The following UBA5 variants were observed in gnomAD, a reference collection of about 807,000 sequenced individuals.
The protein encoded by UBA5 is ubiquitin like modifier activating enzyme 5.
Under a neutral mutation model 52.9 loss-of-function variants are expected in UBA5, and 28 were observed. The observed-to-expected ratio is 0.53, with a 90% confidence interval of 0.39 to 0.73. The LOEUF (loss-of-function observed/expected upper bound fraction) is 0.73. UBA5 is among the 30% of genes least tolerant of loss of function. UBA5 has a pLI of 0.00. For synonymous variants in UBA5, 135 were observed against 162.1 expected, an observed-to-expected ratio of 0.83 and a Z score of 1.27; for missense variants, 388 against 492.7, an observed-to-expected ratio of 0.79 and a Z score of 2.01.
intron 1 of UBA5, among the ~76,000 whole-genome samples, chr3:132,661,499 T>C (rs913120653): frequency 1.3e-5 from 2 of 152,210 alleles, no homozygotes; most frequent in African/African-American, 4.8e-5. Context: ...GTGCATTTAG[T>C]AGCAAGCAGT....
At chr3:132,656,500 T>TC (rs1479154892), upstream of UBA5, among the ~76,000 whole-genome samples, 2 of 151,900 alleles carry the variant, frequency 1.3e-5, no homozygotes, top group African/African-American at 4.8e-5. Flanking sequence ...GTCAGATTTT[T>TC]TTTTTTTTTG....
At chr3:132,667,977 G>T (rs1223667342) in intron 3 of UBA5, 1 of 152,000 alleles carries the variant, frequency 6.6e-6, no homozygotes, top group African/African-American at 2.4e-5. Context: ...GGTGTTATGG[G>T]TTAGGTTAAT....
upstream of UBA5, among the ~76,000 whole-genome samples, chr3:132,657,379 C>T (rs1226587996): frequency 1.3e-5 from 2 of 152,170 alleles, no homozygotes; most frequent in South Asian, 2.1e-4. Context: ...TCAAATTTCC[C>T]ACCTTGTGGT....
upstream of UBA5, among the ~76,000 whole-genome samples, chr3:132,657,514 T>C (rs1365133062): frequency 6.6e-6 from 1 of 152,192 alleles, no homozygotes; most frequent in Non-Finnish European, 1.5e-5. Context: ...ATAGATCAAC[T>C]GGAAGAAAAA....
intron 1 of UBA5, among the ~76,000 whole-genome samples, chr3:132,661,539 C>T (rs1938163971): frequency 6.6e-6 from 1 of 152,208 alleles, no homozygotes; most frequent in African/African-American, 2.4e-5. Flanking sequence ...AAGCACTTTA[C>T]ATGCATTGTC....
At chr3:132,667,260 T>G (rs1418311389) in intron 3 of UBA5, 1 of 152,226 alleles carries the variant, frequency 6.6e-6, no homozygotes, top group Non-Finnish European at 1.5e-5. Flanking sequence ...AGAAGTGCTC[T>G]TGCATCTCTA....
chr3:132,660,627 C>A lies in UBA5; in HGVS notation c.90C>A (p.Ser30Arg). 6.4e-7 allele frequency: 1 copy of A among 1,564,650 alleles called. No individual in the cohort carries two copies. The highest frequency in any genetic ancestry group is 8.7e-7 in the Non-Finnish European group (1 of 1,155,048). Residue 30 changes from serine (S) to arginine (R), a missense_variant, in exon 1 of 12, where the codon AGC becomes AGA. This residue lies in a region of UBA5 where 95 missense variants were observed against 107.0 expected (regional missense o/e 0.89). Transcript: ENST00000356232. The surrounding 1 kb of genome is among the most constrained non-coding windows in gnomAD (Gnocchi z 4.1). ...AGAGGAGTCTGCAGGTCCCGAGGAGCGGCGACGGAGGGGGCGGCCGGGTCC... is the reference window on the plus strand; with the variant it reads ...AGAGGAGTCTGCAGGTCCCGAGGAGAGGCGACGGAGGGGGCGGCCGGGTCC... ...AQERSLQVPR[S>R]GDGGGGRVRI...
At chr3:132,665,697 C>A in intron 1 of UBA5, 126 bp from the exon 2 acceptor site, 3 of 939,532 alleles carry the variant, frequency 3.2e-6, no homozygotes, top group Non-Finnish European at 4.8e-6. Flanking sequence ...TGTAAGCATC[C>A]TCCTCTTTGA....
chr3:132,668,011 TGAAAA>T (rs1938445695), intron 3 of UBA5: 1 of 152,178 alleles, frequency 6.6e-6, no homozygotes, highest in South Asian at 2.1e-4. Context: ...AGTTTTTTAT[TGAAAA>T]GAAAATCCCA....
upstream of UBA5, among the ~76,000 whole-genome samples, chr3:132,657,049 T>C (rs1937847874): frequency 6.6e-6 from 1 of 152,180 alleles, no homozygotes; most frequent in Non-Finnish European, 1.5e-5. Flanking sequence ...TCCTTTGTGG[T>C]TTCTGCTGTT....
Position 132,666,042 on chromosome 3 carries a change from C to T in UBA5, c.266C>T (p.Ala89Val). ...GTTGGTGGAGTAGGTAGTGTGACTG[C>T]TGAAATGCTGACAAGATGTGGCATT... The part of the protein sequence containing the change: ...VGVGGVGSVT[A>V]EMLTRCGIGK... The change falls in exon 3 of 12, where the codon GCT becomes GTT. Residue 89 changes from alanine to valine, a missense_variant. By Grantham distance (64) the Ala-to-Val change is moderately conservative. Coordinates refer to ENST00000356232, the MANE Select transcript of UBA5 (RefSeq NM_024818.6). 6.2e-7 allele frequency: 1 copy of T among 1,613,566 alleles called. No individual in the cohort carries two copies. The highest frequency in any genetic ancestry group is 8.5e-7 in the Non-Finnish European group (1 of 1,179,584).
rs1162858729 is a variant in UBA5 at position 132,669,049 on chromosome 3, ATTCTC to A, written c.407+125_407+129del. ...AATGCAGTTTTCACTTGTACAAAGA[ATTCTC>A]TTACCTGTTGGACATGGGTTGGCAA... On this transcript the variant is annotated intron_variant, in intron 4 of 11. Coordinates refer to ENST00000356232, the MANE Select transcript of UBA5 (RefSeq NM_024818.6). 5 of 659,392 alleles carry A rather than the reference ATTCTC, an allele frequency of 7.6e-6. No homozygotes were observed. The Admixed American group carries it at 1.4e-4, about 19-fold the overall frequency. 40.8% of individuals were successfully genotyped at this position (659,392 alleles called of 1,614,324 possible).
rs139914765 is a variant in UBA5, at chr3:132,676,220, G to A, written c.1132-223G>A. Among the ~76,000 whole-genome samples, 183 of 152,156 alleles carry A rather than the reference G, an allele frequency of 1.2e-3. 1 individual carries two copies. Among genetic ancestry groups the A allele is most frequent in the African/African-American group, 3.8e-3 (157 of 41,548 alleles). ...TTTTAGCTACGATGTCGTTTAAAAA[G>A]CTAGAGCTGTCAAGAATATTGAAAT... On this transcript the variant is annotated intron_variant, in intron 11 of 11. Coordinates refer to ENST00000356232, the MANE Select transcript of UBA5 (RefSeq NM_024818.6). This position sits in a 1 kb window ranked among gnomAD's most constrained non-coding sequence, Gnocchi z 4.1.
upstream of UBA5, among the ~76,000 whole-genome samples, chr3:132,658,540 A>C (rs1937940447): frequency 6.6e-6 from 1 of 152,208 alleles, no homozygotes; most frequent in African/African-American, 2.4e-5. Context: ...CAAATTCCAC[A>C]GCAATTGAAA....
At chr3:132,673,681 T>A (rs994112324) in intron 8 of UBA5, among the ~76,000 whole-genome samples, 2 of 150,984 alleles carry the variant, frequency 1.3e-5, no homozygotes, top group Admixed American at 6.6e-5. Context: ...TTTTTTTTTT[T>A]AAACAGGGTT....
rs367698484 is a variant in UBA5 at position 132,675,897 on chromosome 3, A to G, written c.1105A>G (p.Thr369Ala). The change falls in exon 11 of 12, where the codon ACA (threonine) becomes GCA (alanine). Residue 369 changes from threonine (T) to alanine (A), a missense_variant. By Grantham distance (58) the Thr-to-Ala change is moderately conservative (BLOSUM62 0). Transcript: ENST00000356232. ...AGTTCCAGACTTACCTGAAGGAATT[A>G]CAGTGGCATACACAATTCCAAAAAA... ...GPVPDLPEGI[T>A]VAYTIPKKQE... 1.2e-6 allele frequency: 2 copies of G among 1,610,406 alleles called. No homozygotes were observed. Among genetic ancestry groups the G allele is most frequent in the Non-Finnish European group, 1.7e-6 (2 of 1,178,556 alleles).
intron 1 of UBA5, 107 bp from the exon 2 acceptor site, chr3:132,665,716 G>C: frequency 9.0e-7 from 1 of 1,116,312 alleles, no homozygotes; most frequent in Non-Finnish European, 1.3e-6. Context: ...GAAACGATTA[G>C]TAATGATTAT....
intron 3 of UBA5, chr3:132,668,038 A>G (rs780709187): frequency 2.0e-5 from 3 of 151,070 alleles, no homozygotes; most frequent in Non-Finnish European, 3.0e-5. Flanking sequence ...TTTTGTTTTT[A>G]TTGTTTAGTG....
At position 132,676,211 on chromosome 3, in the gene UBA5, G is replaced by A. The variant is rs1006716339; in HGVS notation, c.1132-232G>A. Among the ~76,000 whole-genome samples the A allele has an allele frequency of 3.3e-5, 5 of 152,008 alleles. No homozygotes were observed. Among genetic ancestry groups the A allele is most frequent in the East Asian group, 3.9e-4 (2 of 5,190 alleles). ...TATCGGTAGTTTTAGCTACGATGTC[G>A]TTTAAAAAGCTAGAGCTGTCAAGAA... On this transcript the variant is annotated intron_variant, in intron 11 of 11. Transcript: ENST00000356232. This position sits in a 1 kb window ranked among gnomAD's most constrained non-coding sequence, Gnocchi z 4.1.
Sources: gnomAD v4.1 joint callset for allele counts (sites outside exome capture counted in the v4.1 genomes callset) on GRCh38, gnomAD v4.1.1 for gene constraint, gnomAD v4.1.1 regional missense constraint, Gnocchi (gnomAD v3.1) non-coding constraint, MANE v1.5 for transcripts, NCBI Gene and HGNC (gene_info 2026-07-23, HGNC 2026-07-21) for gene names.